ZRANB3: variants seen among roughly 807,000 people sequenced by gnomAD.
The protein encoded by ZRANB3 is DNA annealing helicase and endonuclease ZRANB3.
Under a neutral mutation model 133.8 loss-of-function variants are expected in ZRANB3, and 125 were observed. That is an observed-to-expected ratio of 0.93 (90% CI 0.81 to 1.08). The LOEUF (loss-of-function observed/expected upper bound fraction) is 1.08, where lower values mean the gene tolerates loss of function less well. Ranked by LOEUF, ZRANB3 falls within the 50% of genes least tolerant of loss-of-function variation. The probability of loss-of-function intolerance (pLI) is 0.00; values close to 1 mark genes in which losing one functional copy is unlikely to be tolerated. For missense variants in ZRANB3, 1,229 were observed against 1,275.5 expected (o/e 0.96, Z 0.56); for synonymous variants, 387 against 432.7 (o/e 0.89, Z 1.31).
chr2:135,406,617 T>C (rs181505368), intron 2 of ZRANB3, among the ~76,000 whole-genome samples: 2,291 of 152,262 alleles, frequency 0.015, 48 homozygotes, highest in African/African-American at 0.051. Flanking sequence ...AAAAAGCTTA[T>C]CCACCATGAT....
intron 8 of ZRANB3, among the ~76,000 whole-genome samples, chr2:135,293,968 C>G (rs1681898251): frequency 6.6e-6 from 1 of 151,822 alleles, no homozygotes; most frequent in Admixed American, 6.6e-5. Flanking sequence ...GGTGGATAAG[C>G]TTTTTGATGT....
intron 8 of ZRANB3, among the ~76,000 whole-genome samples, chr2:135,307,792 A>C (rs1682775447): frequency 6.6e-6 from 1 of 152,126 alleles, no homozygotes; most frequent in Non-Finnish European, 1.5e-5. Context: ...GACTGAGTGA[A>C]TGTAGTCAGC....
intron 18 of ZRANB3, 87 bp from the exon 19 acceptor site, chr2:135,207,923 A>C: frequency 8.0e-7 from 1 of 1,245,932 alleles, no homozygotes. Context: ...TCAAAGTTTC[A>C]ATACGGATAA....
At chr2:135,208,136 C>A (rs919088293) in intron 18 of ZRANB3, among the ~76,000 whole-genome samples, 1 of 152,148 alleles carries the variant, frequency 6.6e-6, no homozygotes, top group Non-Finnish European at 1.5e-5. Context: ...TTAGAAAATG[C>A]TTCTTCAGGC....
At chr2:135,219,972 G>T (rs1694470202) in intron 15 of ZRANB3, among the ~76,000 whole-genome samples, 1 of 151,862 alleles carries the variant, frequency 6.6e-6, no homozygotes, top group African/African-American at 2.4e-5. Context: ...CCTGGGCCCA[G>T]GTGATCCTCC....
chr2:135,494,712 C>A (rs1489052064), intron 2 of ZRANB3, among the ~76,000 whole-genome samples: 2 of 152,068 alleles, frequency 1.3e-5, no homozygotes, highest in Admixed American at 1.3e-4. Context: ...TCACTATGTA[C>A]TGATGCAGGA....
intron 6 of ZRANB3, among the ~76,000 whole-genome samples, chr2:135,321,548 A>G (rs977233911): frequency 1.3e-5 from 2 of 149,442 alleles, no homozygotes; most frequent in African/African-American, 5.0e-5. Context: ...ATCTCAGTTC[A>G]CTGCAATCTC....
chr2:135,394,581 AGAG>A (rs1205054046), intron 2 of ZRANB3, among the ~76,000 whole-genome samples: 2 of 152,188 alleles, frequency 1.3e-5, no homozygotes, highest in Non-Finnish European at 2.9e-5. Context: ...GAGGAGGAAA[AGAG>A]GAGATGTTAA....
chr2:135,414,157 G>A (rs1046214363), intron 2 of ZRANB3, among the ~76,000 whole-genome samples: 1 of 152,044 alleles, frequency 6.6e-6, no homozygotes, highest in East Asian at 1.9e-4. Flanking sequence ...ACACAGACTG[G>A]CAAATTGGAT....
At chr2:135,391,831 G>A (rs1440683701) in intron 2 of ZRANB3, among the ~76,000 whole-genome samples, 7 of 151,920 alleles carry the variant, frequency 4.6e-5, no homozygotes, top group African/African-American at 1.5e-4. Flanking sequence ...CACCCACCTC[G>A]GCCTCCCAAA....
At chr2:135,275,160 C>T (rs374020274) in intron 9 of ZRANB3, among the ~76,000 whole-genome samples, 11 of 152,100 alleles carry the variant, frequency 7.2e-5, no homozygotes, top group South Asian at 2.1e-4. Flanking sequence ...GACGGGGTGG[C>T]GGCTGGGCAG....
At chr2:135,377,466 G>C (rs1352909580) in intron 3 of ZRANB3, among the ~76,000 whole-genome samples, 26 of 152,068 alleles carry the variant, frequency 1.7e-4, no homozygotes, top group Admixed American at 1.6e-3. Context: ...ATGCATAGAT[G>C]AGCCTGAAGC....
intron 2 of ZRANB3, among the ~76,000 whole-genome samples, chr2:135,407,012 G>C (rs1435605507): frequency 3.3e-5 from 5 of 151,158 alleles, no homozygotes; most frequent in Admixed American, 1.3e-4. Context: ...TATTCAATTA[G>C]GAAAAGAGGA....
Position 135,390,823 on chromosome 2 carries a change from GGA to G in ZRANB3, c.162-5_162-4del, listed in dbSNP as rs1687192861. ...TTACTTCATCAGCCACCATACACCTGGAAAAAAAAAAAAAAAAAAATTAATTA... is the reference window on the plus strand; with the variant it reads ...TTACTTCATCAGCCACCATACACCTGAAAAAAAAAAAAAAAAAATTAATTA... On this transcript the variant is annotated splice_region_variant and splice_polypyrimidine_tract_variant and intron_variant, in intron 2 of 20. Coordinates refer to ENST00000264159, the MANE Select transcript of ZRANB3 (RefSeq NM_032143.4). 3 of 1,374,902 alleles carry G rather than the reference GGA, an allele frequency of 2.2e-6. No homozygotes were observed. Among genetic ancestry groups the G allele is most frequent in the Admixed American group, 3.1e-5 (1 of 32,028 alleles). The allele number at this position is 1,374,902 out of a possible 1,614,324, so 85.2% of individuals were successfully genotyped here.
At chr2:135,407,845 A>AT (rs1688112930) in intron 2 of ZRANB3, among the ~76,000 whole-genome samples, 1 of 113,472 alleles carries the variant, frequency 8.8e-6, no homozygotes, top group African/African-American at 5.9e-5. Flanking sequence ...AAGACTTACC[A>AT]CGTTAGACCT....
At chr2:135,316,134 T>A (rs1480283549) in intron 6 of ZRANB3, among the ~76,000 whole-genome samples, 1 of 152,146 alleles carries the variant, frequency 6.6e-6, no homozygotes, top group Non-Finnish European at 1.5e-5. Flanking sequence ...AGAGGAGACA[T>A]CAGAGAATAA....
At chr2:135,443,121 A>G (rs537469131) in intron 2 of ZRANB3, among the ~76,000 whole-genome samples, 129 of 132,606 alleles carry the variant, frequency 9.7e-4, no homozygotes, top group Admixed American at 4.7e-3. Flanking sequence ...ATCTCAAAAA[A>G]AAAAAGAAAG....
Position 135,313,486 on chromosome 2 carries a change from T to C in ZRANB3, c.966+3A>G. On this transcript the variant is annotated splice_donor_region_variant and intron_variant, in intron 8 of 20. Transcript: ENST00000264159. ...AAATACATGATGGCCCAGCAAAGAG[T>C]ACCTTGGCAATAGCAGTTTGTTTAA... The C allele has an allele frequency of 1.9e-6, 3 of 1,587,664 alleles. No individual in the cohort carries two copies. Among genetic ancestry groups the C allele is most frequent in the East Asian group, 2.2e-5 (1 of 44,508 alleles).
chr2:135,418,314 G>A (rs1574074108), intron 2 of ZRANB3, among the ~76,000 whole-genome samples: 1 of 152,070 alleles, frequency 6.6e-6, no homozygotes, highest in African/African-American at 2.4e-5. Flanking sequence ...GTGGGTTTTC[G>A]TATCCACTGG....
Sources: gnomAD v4.1 joint callset for allele counts (sites outside exome capture counted in the v4.1 genomes callset) on GRCh38, gnomAD v4.1.1 for gene constraint, MANE v1.5 for transcripts, NCBI Gene and HGNC (gene_info 2026-07-23, HGNC 2026-07-21) for gene names.